The following CHD8 variants were observed in gnomAD, a reference collection of about 807,000 sequenced individuals.
CHD8 encodes the protein ATP-dependent chromatin remodeler CHD8.
Under a neutral mutation model 279.2 loss-of-function variants are expected in CHD8, and 31 were observed. That is an observed-to-expected ratio of 0.11 (90% confidence interval 0.08 to 0.15). CHD8 has a LOEUF of 0.15. Among genes scored for constraint, CHD8 ranks in the 10% least tolerant of loss-of-function variants. CHD8 has a pLI of 1.00. For synonymous variants in CHD8, 1,081 were observed against 1,139.6 expected (o/e 0.95, Z 1.04); for missense variants, 2,146 against 3,230.5 (o/e 0.66, Z 8.14).
At chr14:21,437,505 G>A (rs1889839106) in intron 1 of CHD8, among the ~76,000 whole-genome samples, 1 of 151,556 alleles carries the variant, frequency 6.6e-6, no homozygotes, top group South Asian at 2.1e-4. Context: ...CTCATAGTAC[G>A]CGAAACCAGT....
intron 1 of CHD8, among the ~76,000 whole-genome samples, chr14:21,438,051 C>T (rs1313382230): frequency 6.6e-6 from 1 of 152,074 alleles, no homozygotes; most frequent in Non-Finnish European, 1.5e-5. Context: ...CTTAAATCCA[C>T]CAAAGTAAAC....
At chr14:21,395,644 C>T (rs1188492121) in intron 28 of CHD8, 173 bp downstream of exon 28, 1 of 606,242 alleles carries the variant, frequency 1.6e-6, no homozygotes, top group Non-Finnish European at 2.9e-6. Flanking sequence ...CCCTGATCTC[C>T]CCCTACTGGC....
intron 1 of CHD8, among the ~76,000 whole-genome samples, chr14:21,451,291 T>C: frequency 6.6e-6 from 1 of 152,066 alleles, no homozygotes; most frequent in East Asian, 1.9e-4. Context: ...AATTATCGGC[T>C]GGGTGCGGTA....
intron 1 of CHD8, among the ~76,000 whole-genome samples, chr14:21,433,304 T>C (rs960863350): frequency 2.3e-4 from 35 of 152,204 alleles, no homozygotes; most frequent in African/African-American, 8.4e-4. Context: ...AATCCATGTC[T>C]AGGGTTTTAA....
At position 21,408,856 on chromosome 14, in the gene CHD8, T is replaced by G; in HGVS notation, c.2365-31A>C. ...AAACAAGACGTTTGAATAAATGGAGTGGAGACATTATCAAAAGGTAAGACT... is the reference window on the plus strand; with the variant it reads ...AAACAAGACGTTTGAATAAATGGAGGGGAGACATTATCAAAAGGTAAGACT... On this transcript the variant is annotated intron_variant, in intron 11 of 37. Coordinates refer to ENST00000646647, the MANE Select transcript of CHD8 (RefSeq NM_001170629.2). This position sits in a 1 kb window ranked among gnomAD's most constrained non-coding sequence, Gnocchi z 4.3. The G allele has an allele frequency of 1.3e-6, 2 of 1,589,222 alleles. No homozygotes were observed. Among genetic ancestry groups the G allele is most frequent in the Non-Finnish European group, 1.7e-6 (2 of 1,167,238 alleles).
chr14:21,424,362 G>GT (rs1202637289), intron 5 of CHD8, among the ~76,000 whole-genome samples: 18 of 151,994 alleles, frequency 1.2e-4, no homozygotes, highest in African/African-American at 3.9e-4. Flanking sequence ...TTATTAATCT[G>GT]TTTTTTCTTC....
In CHD8 at chr14:21,403,964, T is replaced by C. The variant is rs1009991688; in HGVS notation, c.3308-301A>G. The stretch of plus-strand genomic sequence containing the variant: ...CAATACAAAAATTAGCCAGGTGTGG[T>C]GGCGGAGGCCTGTAGTTCCAGCTAC... On this transcript the variant is annotated intron_variant, in intron 16 of 37. Coordinates refer to ENST00000646647, the MANE Select transcript of CHD8 (RefSeq NM_001170629.2). The surrounding 1 kb of genome is among the most constrained non-coding windows in gnomAD (Gnocchi z 4.3). Among the ~76,000 whole-genome samples the C allele has an allele frequency of 2.2e-4, 34 of 151,950 alleles. No homozygotes were observed. Among genetic ancestry groups the C allele is most frequent in the African/African-American group, 8.0e-4 (33 of 41,366 alleles).
chr14:21,421,920 C>T (rs992972908), intron 5 of CHD8, among the ~76,000 whole-genome samples: 2 of 152,118 alleles, frequency 1.3e-5, no homozygotes, highest in African/African-American at 4.8e-5. Flanking sequence ...GGATGTGTAC[C>T]AATAGAGGAA....
chr14:21,431,262 T>C lies in CHD8; in HGVS notation c.382A>G (p.Ile128Val), dbSNP rs1889551133. 1.3e-6 allele frequency: 2 copies of C among 1,592,932 alleles called. No homozygotes were observed. The highest frequency in any genetic ancestry group is 1.7e-6 in the Non-Finnish European group (2 of 1,176,840). ...ATGAAAGGATTCCCTTGGCTCAGGATCTCCTGGCTCTTGGAGACTTGCAAA... is the reference window on the plus strand; with the variant it reads ...ATGAAAGGATTCCCTTGGCTCAGGACCTCCTGGCTCTTGGAGACTTGCAAA... ...GLLQVSKSQE[I>V]LSQGNPFMGV... Residue 128 changes from isoleucine (I) to valine (V), a missense_variant, in exon 2 of 38, where the codon ATC becomes GTC. Ile to Val is a conservative substitution (Grantham distance 29). Transcript: ENST00000646647.
chr14:21,393,276 T>C (rs1887629816), intron 32 of CHD8, 22 bp from the exon 33 acceptor site: 2 of 1,612,678 alleles, frequency 1.2e-6, no homozygotes, highest in Non-Finnish European at 1.7e-6. Flanking sequence ...GCCCATAGAA[T>C]GTGTGAGAAA....
intron 16 of CHD8, chr14:21,404,805 C>T (rs541606622): frequency 1.1e-4 from 19 of 174,400 alleles, no homozygotes; most frequent in Non-Finnish European, 2.2e-4. Flanking sequence ...GAAAGAACTA[C>T]AGAAAAACAT....
At chr14:21,452,736 A>C (rs1890286753) in intron 1 of CHD8, among the ~76,000 whole-genome samples, 1 of 151,980 alleles carries the variant, frequency 6.6e-6, no homozygotes, top group African/African-American at 2.4e-5. Context: ...CTGTAATCCC[A>C]GCGATTTGGG....
At chr14:21,454,753 T>A (rs1003798396) in intron 1 of CHD8, among the ~76,000 whole-genome samples, 3 of 152,208 alleles carry the variant, frequency 2.0e-5, no homozygotes, top group African/African-American at 7.2e-5. Context: ...ATGGAAAATG[T>A]TTTTCTTATC....
At chr14:21,443,875 A>C (rs1039562331) in intron 1 of CHD8, among the ~76,000 whole-genome samples, 2 of 151,850 alleles carry the variant, frequency 1.3e-5, no homozygotes, top group South Asian at 2.1e-4. Context: ...AAAAAAAAAA[A>C]AAAACAACAC....
chr14:21,403,735 A>T lies in CHD8; in HGVS notation c.3308-72T>A. The T allele has an allele frequency of 4.0e-6, 5 of 1,255,594 alleles. No individual in the cohort carries two copies. In the South Asian group the frequency reaches 6.7e-5, roughly 17 times the overall value. The allele number at this position is 1,255,594 out of a possible 1,614,324, so 77.8% of individuals were successfully genotyped here. A position where few individuals can be genotyped will look rare whatever the true frequency, so the allele number is the denominator to read the frequency against. ...TAAGGTTGTAGTCTATTTAACTAAG[A>T]AAGCAAAAGGAAAAAAATGTAATTT... On this transcript the variant is annotated intron_variant, in intron 16 of 37. Coordinates refer to ENST00000646647, the MANE Select transcript of CHD8 (RefSeq NM_001170629.2). The surrounding 1 kb of genome is among the most constrained non-coding windows in gnomAD (Gnocchi z 4.3).
rs748371661 is a variant in CHD8 at position 21,401,027 on chromosome 14, G to A, written c.4218C>T (p.Arg1406=). 65 of 1,613,552 alleles carry A rather than the reference G, an allele frequency of 4.0e-5. No homozygotes were observed. The East Asian group carries it at 1.2e-3, about 29-fold the overall frequency. ...IDTPRVRKQT[R]HFSTLKDDDL... ...CATCATCTTTCAGAGTGCTAAAGTG[G>A]CGCGTTTGTTTTCGTACTCTAGGTG... The change falls in exon 22 of 38, where the codon CGC becomes CGT. Residue 1406 remains arginine, a synonymous_variant. Transcript: ENST00000646647.
chr14:21,400,478 C>T lies in CHD8; in HGVS notation c.4505G>A (p.Gly1502Asp). 1 of 1,610,286 alleles carries T rather than the reference C, an allele frequency of 6.2e-7. No individual in the cohort carries two copies. Among genetic ancestry groups the T allele is most frequent in the Non-Finnish European group, 8.5e-7 (1 of 1,179,054 alleles). The change falls in exon 23 of 38, where the codon GGC becomes GAC. Residue 1502 changes from glycine to aspartate, a missense_variant. Coordinates refer to ENST00000646647, the MANE Select transcript of CHD8 (RefSeq NM_001170629.2). This position sits in a 1 kb window ranked among gnomAD's most constrained non-coding sequence, Gnocchi z 4.2. ...LHYRGDENIK[G>D]FIWDLISPAE... ...TGGGCTAATCAAGTCCCAGATGAAGCCTTTAATATTTTCATCCCCACGGTA... is the reference window on the plus strand; with the variant it reads ...TGGGCTAATCAAGTCCCAGATGAAGTCTTTAATATTTTCATCCCCACGGTA...
At chr14:21,440,454 A>G (rs1889928149) in intron 1 of CHD8, among the ~76,000 whole-genome samples, 1 of 152,026 alleles carries the variant, frequency 6.6e-6, no homozygotes, top group Non-Finnish European at 1.5e-5. Context: ...TGTTCCACCC[A>G]CCTCAGCCTC....
intron 37 of CHD8, among the ~76,000 whole-genome samples, chr14:21,388,728 C>T (rs984603961): frequency 2.6e-5 from 4 of 152,142 alleles, no homozygotes; most frequent in African/African-American, 9.7e-5. Context: ...AAGTGATCCT[C>T]TTGCCTCAGC....
Sources: gnomAD v4.1 joint callset for allele counts (sites outside exome capture counted in the v4.1 genomes callset) on GRCh38, gnomAD v4.1.1 for gene constraint, Gnocchi (gnomAD v3.1) non-coding constraint, MANE v1.5 for transcripts, NCBI Gene and HGNC (gene_info 2026-07-23, HGNC 2026-07-21) for gene names.